The following GALNT1 variants were observed in gnomAD, a reference collection of about 807,000 sequenced individuals.
GALNT1 encodes the protein GalNAc transferase 1.
A neutral mutation model predicts 65.7 loss-of-function variants in GALNT1; 17 were observed. The observed-to-expected ratio is 0.26, with a 90% CI of 0.18 to 0.39. The LOEUF (loss-of-function observed/expected upper bound fraction) is 0.39, where lower values mean the gene tolerates loss of function less well. Among genes scored for constraint, GALNT1 ranks in the 10% least tolerant of loss-of-function variants. The pLI is 1.00. For synonymous variants in GALNT1, 210 were observed against 219.7 expected (o/e 0.96, Z 0.39); for missense variants, 460 against 672.8 (o/e 0.68, Z 3.50).
In GALNT1 at chr18:35,683,403, G is replaced by C. The variant is rs375568312; in HGVS notation, c.494G>C (p.Arg165Thr). The C allele has an allele frequency of 2.6e-5, 42 of 1,612,570 alleles. No homozygotes were observed. Among genetic ancestry groups the C allele is most frequent in the Non-Finnish European group, 3.1e-5 (36 of 1,179,244 alleles). The change falls in exon 5 of 12, where the codon AGG (arginine) becomes ACG (threonine). Residue 165 changes from arginine to threonine, a missense_variant. By Grantham distance (71) the Arg-to-Thr change is moderately conservative. Transcript: ENST00000269195. Reference protein sequence around the residue: ...DDASERDFLKRPLESYVKKLK... With the variant: ...DDASERDFLKTPLESYVKKLK... ...GTTCATTTTCCAGACTTTTTGAAAA[G>C]GCCTTTAGAGAGTTATGTGAAAAAA...
chr18:35,627,115 T>TC (rs1292227467), intron 1 of GALNT1, among the ~76,000 whole-genome samples: 1 of 152,236 alleles, frequency 6.6e-6, no homozygotes, highest in Admixed American at 6.5e-5. Context: ...TGTGTAGGTG[T>TC]CTTTGGCCTT....
intron 2 of GALNT1, among the ~76,000 whole-genome samples, chr18:35,656,772 T>C (rs1361596318): frequency 1.3e-5 from 2 of 152,178 alleles, no homozygotes; most frequent in Non-Finnish European, 2.9e-5. Flanking sequence ...TTGGTGGTCA[T>C]GTAACTGGTG....
rs1253866338 is a variant in GALNT1 at position 35,633,092 on chromosome 18, G to A, written c.-103-21468G>A. ...GAAATAGGAACACTTTTACACTGCTGGTGGGACTGTAAACTGGTTCAACCA... is the reference window on the plus strand; with the variant it reads ...GAAATAGGAACACTTTTACACTGCTAGTGGGACTGTAAACTGGTTCAACCA... On this transcript the variant is annotated intron_variant, in intron 1 of 11. Coordinates refer to ENST00000269195, the MANE Select transcript of GALNT1 (RefSeq NM_020474.4). Among the ~76,000 whole-genome samples, 3 of 152,298 alleles carry A rather than the reference G, an allele frequency of 2.0e-5. No individual in the cohort carries two copies. The East Asian group carries it at 5.8e-4, about 29-fold the overall frequency.
chr18:35,651,035 G>A (rs1012214011), intron 1 of GALNT1, among the ~76,000 whole-genome samples: 1 of 152,066 alleles, frequency 6.6e-6, no homozygotes, highest in African/African-American at 2.4e-5. Context: ...TATTAATTTG[G>A]GGAACTAATA....
At chr18:35,644,644 A>G (rs1336194736) in intron 1 of GALNT1, among the ~76,000 whole-genome samples, 1 of 152,094 alleles carries the variant, frequency 6.6e-6, no homozygotes, top group Admixed American at 6.5e-5. Context: ...AGTTTTTCAC[A>G]CTTGTATGGA....
intron 1 of GALNT1, among the ~76,000 whole-genome samples, chr18:35,652,770 T>G (rs1227875520): frequency 6.6e-6 from 1 of 152,202 alleles, no homozygotes; most frequent in Non-Finnish European, 1.5e-5. Flanking sequence ...ACACTCCCTC[T>G]TCACTGCACT....
chr18:35,602,255 A>G (rs1004208922), intron 1 of GALNT1, among the ~76,000 whole-genome samples: 6 of 152,050 alleles, frequency 3.9e-5, no homozygotes, highest in Non-Finnish European at 8.8e-5. Flanking sequence ...CCTTTGCATC[A>G]TGTCATTTGC....
At chr18:35,582,169 G>T (rs1442212443) in intron 1 of GALNT1, among the ~76,000 whole-genome samples, 1 of 152,156 alleles carries the variant, frequency 6.6e-6, no homozygotes, top group Non-Finnish European at 1.5e-5. Flanking sequence ...GCTAAATATG[G>T]CTTCTGGGTT....
intron 9 of GALNT1, among the ~76,000 whole-genome samples, chr18:35,700,909 C>T (rs1047224529): frequency 1.3e-5 from 2 of 152,166 alleles, no homozygotes; most frequent in Non-Finnish European, 2.9e-5. Flanking sequence ...ATTCCTGTGG[C>T]ATTTATCATC....
chr18:35,694,306 C>A (rs1369872363), intron 9 of GALNT1, among the ~76,000 whole-genome samples: 6 of 152,014 alleles, frequency 3.9e-5, no homozygotes, highest in Admixed American at 6.6e-5. Context: ...GTTTTTATTT[C>A]TTTATTAAGA....
At chr18:35,637,169 T>C (rs1200399722) in intron 1 of GALNT1, among the ~76,000 whole-genome samples, 1 of 152,080 alleles carries the variant, frequency 6.6e-6, no homozygotes, top group Admixed American at 6.6e-5. Context: ...GCAACAGTAT[T>C]GAAAGGATGC....
intron 9 of GALNT1, among the ~76,000 whole-genome samples, chr18:35,701,267 T>A (rs547534047): frequency 6.6e-6 from 1 of 152,256 alleles, no homozygotes; most frequent in East Asian, 1.9e-4. Context: ...AGAGACAAGG[T>A]CTTGCTATGT....
chr18:35,633,474 CAT>C (rs1486072143), intron 1 of GALNT1, among the ~76,000 whole-genome samples: 1 of 144,024 alleles, frequency 6.9e-6, no homozygotes, highest in Non-Finnish European at 1.5e-5. Context: ...TGTTCTCACT[CAT>C]AGGTGGGAAC....
chr18:35,647,531 G>A (rs2047247079), intron 1 of GALNT1, among the ~76,000 whole-genome samples: 1 of 152,168 alleles, frequency 6.6e-6, no homozygotes, highest in East Asian at 1.9e-4. Context: ...TATTTGTATT[G>A]GAGGATAACA....
chr18:35,685,520 T>A (rs552017230), intron 5 of GALNT1, among the ~76,000 whole-genome samples: 18 of 149,658 alleles, frequency 1.2e-4, no homozygotes, highest in Admixed American at 6.0e-4. Flanking sequence ...GCAGAAATCA[T>A]GTTAATGGAG....
intron 1 of GALNT1, chr18:35,591,734 A>G (rs546648382): frequency 6.5e-6 from 1 of 154,562 alleles, no homozygotes; most frequent in Admixed American, 6.5e-5. Context: ...AAGCTTTAAC[A>G]TACATGTAGG....
chr18:35,634,562 A>G (rs1326832145), intron 1 of GALNT1, among the ~76,000 whole-genome samples: 1 of 152,206 alleles, frequency 6.6e-6, no homozygotes, highest in Admixed American at 6.6e-5. Flanking sequence ...CAGGATGTAC[A>G]TAATTCTTCC....
chr18:35,601,586 C>G (rs1288504830), intron 1 of GALNT1, among the ~76,000 whole-genome samples: 1 of 151,876 alleles, frequency 6.6e-6, no homozygotes, highest in Non-Finnish European at 1.5e-5. Flanking sequence ...ATAAATATCC[C>G]ATAGATTTTG....
intron 9 of GALNT1, among the ~76,000 whole-genome samples, chr18:35,694,602 G>A (rs12969541): frequency 2.0e-5 from 3 of 152,258 alleles, no homozygotes; most frequent in South Asian, 2.1e-4. Context: ...GGAAATGAAC[G>A]CAGGGTCTGA....
Sources: allele counts gnomAD v4.1 joint callset (sites outside exome capture counted in the v4.1 genomes callset), GRCh38; gene constraint gnomAD v4.1.1; transcripts MANE v1.5; gene names NCBI Gene and HGNC (gene_info 2026-07-23, HGNC 2026-07-21).